The following SND1 variants were observed in gnomAD, a reference collection of about 807,000 sequenced individuals.
SND1 encodes staphylococcal nuclease and tudor domain containing 1.
Under a neutral mutation model 121.7 loss-of-function variants are expected in SND1, and 38 were observed. The ratio of observed to expected loss-of-function variants is 0.31; its 90% confidence interval spans 0.24 to 0.41. The LOEUF is 0.41. Among genes scored for constraint, SND1 ranks in the 10% least tolerant of loss-of-function variants. The probability of loss-of-function intolerance (pLI) is 1.00; values close to 1 mark genes in which losing one functional copy is unlikely to be tolerated. For missense variants in SND1, 868 were observed against 1,184.6 expected (o/e 0.73, Z 3.92); for synonymous variants, 401 against 447.4 (o/e 0.90, Z 1.31).
chr7:128,078,702 T>C (rs984171971), intron 17 of SND1, among the ~76,000 whole-genome samples: 2 of 152,262 alleles, frequency 1.3e-5, no homozygotes, highest in Non-Finnish European at 2.9e-5. Flanking sequence ...GAGGAGTCTT[T>C]AGCAGTTTCT....
intron 16 of SND1, chr7:127,997,937 C>T (rs1353678964): frequency 5.6e-6 from 3 of 534,696 alleles, no homozygotes; most frequent in African/African-American, 1.9e-5. Context: ...GATGTCCTTC[C>T]ATCAGTTCCC....
At chr7:128,036,972 A>G (rs1041053164) in intron 16 of SND1, among the ~76,000 whole-genome samples, 1 of 152,236 alleles carries the variant, frequency 6.6e-6, no homozygotes, top group Non-Finnish European at 1.5e-5. Flanking sequence ...TAAGTTACAC[A>G]TATTTACTCC....
intron 9 of SND1, among the ~76,000 whole-genome samples, chr7:127,715,317 G>T (rs35121681): frequency 1.8e-3 from 267 of 152,034 alleles, no homozygotes; most frequent in African/African-American, 6.1e-3. Flanking sequence ...AGTCCTTTGC[G>T]CATTTGAAAA....
intron 16 of SND1, chr7:127,997,497 G>C (rs928488941): frequency 2.9e-6 from 1 of 339,544 alleles, no homozygotes. Flanking sequence ...TCTGATTCCT[G>C]CTTCATCTGC....
chr7:127,801,783 G>C lies in SND1; in HGVS notation c.1153-5701G>C, dbSNP rs551723758. ...TTTTGAAAGGACTGTATATACACTT[G>C]ACCCTTGAATAGTGTGGGGTTTAGG... On this transcript the variant is annotated intron_variant, in intron 10 of 23. Transcript: ENST00000354725. Among the ~76,000 whole-genome samples, 52 of 152,286 alleles carry C rather than the reference G, an allele frequency of 3.4e-4. No homozygotes were observed. The South Asian group carries it at 9.7e-3, about 29-fold the overall frequency.
At chr7:127,811,887 G>A (rs1798341196) in intron 11 of SND1, among the ~76,000 whole-genome samples, 1 of 152,158 alleles carries the variant, frequency 6.6e-6, no homozygotes, top group South Asian at 2.1e-4. Flanking sequence ...AATTTCTTCT[G>A]TGAAGTAGAC....
intron 5 of SND1, among the ~76,000 whole-genome samples, chr7:127,701,859 A>G (rs968296978): frequency 1.3e-5 from 2 of 152,206 alleles, no homozygotes; most frequent in South Asian, 4.1e-4. Context: ...TATAGTGCCT[A>G]TACACCACTT....
chr7:127,870,763 T>A (rs972457017), intron 12 of SND1, among the ~76,000 whole-genome samples: 1 of 152,212 alleles, frequency 6.6e-6, no homozygotes, highest in Non-Finnish European at 1.5e-5. Flanking sequence ...TGTACGCTAC[T>A]GTAGACTTTA....
Position 127,681,556 on chromosome 7 carries a change from C to A in SND1, c.79-5057C>A, listed in dbSNP as rs60775878. On this transcript the variant is annotated intron_variant, in intron 1 of 23. Transcript: ENST00000354725. ...TTTGGTGTCACCTAAGAAACCATCA[C>A]CTAATGCAAGGCCATGTAGATTTAC... Among the ~76,000 whole-genome samples, 505 of 152,286 alleles carry A rather than the reference C, an allele frequency of 3.3e-3. 5 individuals are homozygous for A. Among genetic ancestry groups the A allele is most frequent in the African/African-American group, 0.011 (451 of 41,558 alleles).
intron 12 of SND1, among the ~76,000 whole-genome samples, chr7:127,878,901 G>A (rs1455532711): frequency 4.6e-5 from 7 of 152,126 alleles, no homozygotes; most frequent in Non-Finnish European, 1.0e-4. Flanking sequence ...GTCTACGGAT[G>A]CAGCTTGGTT....
chr7:127,771,048 G>T (rs17151292), intron 10 of SND1, among the ~76,000 whole-genome samples: 2,609 of 152,280 alleles, frequency 0.017, 78 homozygotes, highest in African/African-American at 0.059. Context: ...GCATCAAACA[G>T]CTGTCACTGT....
intron 12 of SND1, among the ~76,000 whole-genome samples, chr7:127,863,972 A>G (rs924754382): frequency 2.0e-5 from 3 of 152,200 alleles, no homozygotes; most frequent in African/African-American, 4.8e-5. Flanking sequence ...TAAAATTTCA[A>G]AGTGAGAGAA....
chr7:127,745,588 C>T (rs1424664113), intron 10 of SND1, among the ~76,000 whole-genome samples: 2 of 152,162 alleles, frequency 1.3e-5, no homozygotes, highest in Non-Finnish European at 2.9e-5. Context: ...CCATCAGTGA[C>T]TAATGATGAT....
intron 10 of SND1, among the ~76,000 whole-genome samples, chr7:127,746,081 A>G (rs1796976376): frequency 6.6e-6 from 1 of 152,210 alleles, no homozygotes; most frequent in Admixed American, 6.5e-5. Flanking sequence ...GAACACTGTC[A>G]CAGGACACAC....
At chr7:127,831,997 A>G (rs1584605061) in intron 11 of SND1, among the ~76,000 whole-genome samples, 1 of 152,216 alleles carries the variant, frequency 6.6e-6, no homozygotes, top group East Asian at 1.9e-4. Context: ...TAAAAGGATT[A>G]CATCATATTT....
intron 10 of SND1, among the ~76,000 whole-genome samples, chr7:127,782,871 A>G (rs993774969): frequency 6.6e-6 from 1 of 152,228 alleles, no homozygotes; most frequent in African/African-American, 2.4e-5. Flanking sequence ...TATTCGTTAT[A>G]GAAATGCTGA....
intron 10 of SND1, among the ~76,000 whole-genome samples, chr7:127,768,422 C>G (rs1277859980): frequency 1.3e-5 from 2 of 152,198 alleles, no homozygotes; most frequent in Non-Finnish European, 2.9e-5. Context: ...TATGTAAGTT[C>G]ATAATTTCCA....
chr7:127,783,059 G>T (rs186990248), intron 10 of SND1, among the ~76,000 whole-genome samples: 3 of 152,168 alleles, frequency 2.0e-5, no homozygotes, highest in Non-Finnish European at 2.9e-5. Flanking sequence ...TTGGAAATTG[G>T]GGACAGATAT....
chr7:127,944,197 T>TG (rs1345398467), intron 15 of SND1, among the ~76,000 whole-genome samples: 1 of 152,262 alleles, frequency 6.6e-6, no homozygotes, highest in Non-Finnish European at 1.5e-5. Context: ...AGTCCATTGT[T>TG]GCTGCTCTCT....
Sources: gnomAD v4.1 joint callset for allele counts (sites outside exome capture counted in the v4.1 genomes callset) on GRCh38, gnomAD v4.1.1 for gene constraint, MANE v1.5 for transcripts, NCBI Gene and HGNC (gene_info 2026-07-23, HGNC 2026-07-21) for gene names.